Variants in PGPEP1 observed in about 807,000 individuals in gnomAD.
PGPEP1 encodes pyroglutamyl-peptidase I, also known as pyroglutamyl-peptidase 1.
A neutral mutation model predicts 24.1 loss-of-function variants in PGPEP1; 15 were observed. The ratio of observed to expected loss-of-function variants is 0.62; its 90% CI spans 0.42 to 0.96. PGPEP1 has a LOEUF of 0.96. Ranked by LOEUF, PGPEP1 falls within the 40% of genes least tolerant of loss-of-function variation. PGPEP1 has a pLI of 0.00. For synonymous variants in PGPEP1, 122 were observed against 116.4 expected (o/e 1.05, Z -0.31); for missense variants, 242 against 273.4 (o/e 0.89, Z 0.81).
chr19:18,348,454 C>T (rs766727387), intron 2 of PGPEP1, among the ~76,000 whole-genome samples: 4 of 151,870 alleles, frequency 2.6e-5, no homozygotes, highest in Admixed American at 6.6e-5. Flanking sequence ...GGCGTCTGCC[C>T]GAGCCCCGTC....
chr19:18,348,598 A>G lies in PGPEP1; in HGVS notation c.87+5687A>G, dbSNP rs572233767. Among the ~76,000 whole-genome samples the G allele has an allele frequency of 1.6e-4, 24 of 152,224 alleles. No individual in the cohort carries two copies. The South Asian group carries it at 4.8e-3, about 30-fold the overall frequency. On this transcript the variant is annotated intron_variant, in intron 2 of 4. Coordinates refer to ENST00000269919, the MANE Select transcript of PGPEP1 (RefSeq NM_017712.4). ...CCCTTTTGGAACAGAGCGTGTTCAG[A>G]GGCTAAGACTTCAGCCAGATTACCA...
At chr19:18,356,251 GGC>G (rs1971183343) in intron 3 of PGPEP1, among the ~76,000 whole-genome samples, 1 of 147,594 alleles carries the variant, frequency 6.8e-6, no homozygotes, top group South Asian at 2.2e-4. Flanking sequence ...TGGGCAACAT[GGC>G]AAAACCCTGT....
chr19:18,362,951 C>T (rs1264237545), intron 4 of PGPEP1, among the ~76,000 whole-genome samples: 7 of 152,126 alleles, frequency 4.6e-5, no homozygotes, highest in African/African-American at 1.4e-4. Flanking sequence ...GGACAACCAG[C>T]GTGCCTTCCC....
At chr19:18,347,270 C>CTTTTTTTTTTTTTTTTTTTTTTTTTT (rs59936417) in intron 2 of PGPEP1, among the ~76,000 whole-genome samples, 1 of 94,420 alleles carries the variant, frequency 1.1e-5, no homozygotes, top group Non-Finnish European at 1.9e-5. Context: ...TTCTTTCTTT[C>CTTTTTTTTTTTTTTTTTTTTTTTTTT]TTTTTTTTTT....
rs759895547 is a variant in PGPEP1 at position 18,363,466 on chromosome 19, A to G, written c.513A>G (p.Pro171=). ...HGRSAFVHVP[P]LGKPYNADQL... Reference sequence around the variant, plus strand: ...GATCAGCCTTCGTCCACGTGCCCCCACTGGGGAAGCCGTACAACGCGGACC... The same window carrying G: ...GATCAGCCTTCGTCCACGTGCCCCCGCTGGGGAAGCCGTACAACGCGGACC... The change falls in exon 5 of 5, where the codon CCA becomes CCG. Residue 171 remains proline (P), a synonymous_variant. Transcript: ENST00000269919. 4 of 1,614,038 alleles carry G rather than the reference A, an allele frequency of 2.5e-6. No homozygotes were observed. The South Asian group carries it at 4.4e-5, about 18-fold the overall frequency.
chr19:18,342,692 G>A lies in PGPEP1; in HGVS notation c.35-167G>A, dbSNP rs141057893. ...ACAGGTGCAGGACGGCGGCTCTGACGGGCCTCCAGGTGCTCCCAGAACTCA... is the reference window on the plus strand; with the variant it reads ...ACAGGTGCAGGACGGCGGCTCTGACAGGCCTCCAGGTGCTCCCAGAACTCA... On this transcript the variant is annotated intron_variant, in intron 1 of 4. Transcript: ENST00000269919. Among the ~76,000 whole-genome samples, 12 of 152,296 alleles carry A rather than the reference G, an allele frequency of 7.9e-5. No homozygotes were observed. In the East Asian group the frequency reaches 1.3e-3, roughly 17 times the overall value.
At chr19:18,361,152 T>A (rs938002217) in intron 4 of PGPEP1, among the ~76,000 whole-genome samples, 1 of 151,304 alleles carries the variant, frequency 6.6e-6, no homozygotes, top group African/African-American at 2.4e-5. Context: ...TCTTTTTTTT[T>A]AAAGACAAGA....
intron 2 of PGPEP1, among the ~76,000 whole-genome samples, chr19:18,349,732 G>A (rs1970967565): frequency 6.6e-6 from 1 of 152,204 alleles, no homozygotes; most frequent in Non-Finnish European, 1.5e-5. Context: ...AGGTGGCACA[G>A]TCTCGCCACG....
chr19:18,355,636 A>G (rs946190233), intron 2 of PGPEP1, among the ~76,000 whole-genome samples: 3 of 152,206 alleles, frequency 2.0e-5, no homozygotes, highest in African/African-American at 7.2e-5. Context: ...CCAAGGTCAC[A>G]CAGGCAGGAT....
In PGPEP1 at chr19:18,363,031, G is replaced by GTT. The variant is rs1215505287; in HGVS notation, c.438-358_438-357dup. ...CACTGGGAGTTATCAAGTTTTTTTT[G>GTT]TTTGTGTGTGTGTGTGTGTGTGTGT... On this transcript the variant is annotated intron_variant, in intron 4 of 4. Transcript: ENST00000269919. Among the ~76,000 whole-genome samples, 559 of 133,716 alleles carry GTT rather than the reference G, an allele frequency of 4.2e-3. 4 individuals carry two copies. Among genetic ancestry groups the GTT allele is most frequent in the African/African-American group, 0.015 (528 of 34,952 alleles). The allele number at this position is 133,716 out of a possible 152,430, so 87.7% of individuals were successfully genotyped here.
chr19:18,361,559 A>G (rs1280528120), intron 4 of PGPEP1: 1 of 184,620 alleles, frequency 5.4e-6, no homozygotes, highest in Non-Finnish European at 1.0e-5. Flanking sequence ...TGCTGGGACT[A>G]CAGGTGTGAG....
intron 4 of PGPEP1, among the ~76,000 whole-genome samples, chr19:18,358,676 C>T (rs944022870): frequency 3.3e-5 from 5 of 152,108 alleles, no homozygotes; most frequent in African/African-American, 7.2e-5. Context: ...AGTGCAATGG[C>T]GCCATCTCGG....
At chr19:18,347,240 C>T (rs1173128548) in intron 2 of PGPEP1, among the ~76,000 whole-genome samples, 1 of 148,914 alleles carries the variant, frequency 6.7e-6, no homozygotes. Flanking sequence ...CACCACCACA[C>T]CCAGCTAATT....
rs1971517573 is a variant in PGPEP1, at chr19:18,365,552, A to G, written c.*1969A>G. On this transcript the variant is annotated 3_prime_UTR_variant, in exon 5 of 5. Coordinates refer to ENST00000269919, the MANE Select transcript of PGPEP1 (RefSeq NM_017712.4). ...CAGACAGGGTTTCACCATGTTGCCC[A>G]GGCTGGTCTCGAACTCCTGGACTCA... is the stretch of plus-strand genomic sequence containing the variant. The G allele has an allele frequency of 6.6e-6, 1 of 152,274 alleles. No homozygotes were observed. The highest frequency in any genetic ancestry group is 1.5e-5 in the Non-Finnish European group (1 of 68,124). The allele number at this position is 152,274 out of a possible 1,614,324, so 9.4% of individuals were successfully genotyped here. A position where few individuals can be genotyped will look rare whatever the true frequency, so the allele number is the denominator to read the frequency against.
rs201547816 is a variant in PGPEP1 at position 18,355,857 on chromosome 19, A to G, written c.88-38A>G. 3.4e-5 allele frequency: 44 copies of G among 1,302,362 alleles called. 1 individual carries two copies. The East Asian group carries it at 8.3e-4, about 25-fold the overall frequency. The allele number at this position is 1,302,362 out of a possible 1,614,324, so 80.7% of individuals were successfully genotyped here. A position where few individuals can be genotyped will look rare whatever the true frequency, so the allele number is the denominator to read the frequency against. ...AGAGCGCATTATCCCCATAGCTGTC[A>G]TCTGGGGCCATGACACTCCCACTCT... On this transcript the variant is annotated intron_variant, in intron 2 of 4. Transcript: ENST00000269919.
chr19:18,343,161 G>A (rs1473170544), intron 2 of PGPEP1, among the ~76,000 whole-genome samples: 3 of 151,976 alleles, frequency 2.0e-5, no homozygotes, highest in Admixed American at 6.6e-5. Flanking sequence ...CACCACGCCC[G>A]GCTAATTTTT....
At chr19:18,360,523 A>AT (rs139605654) in intron 4 of PGPEP1, among the ~76,000 whole-genome samples, 12,534 of 151,020 alleles carry the variant, frequency 0.083, 1,705 homozygotes, top group African/African-American at 0.28. Context: ...TTTTATTTTT[A>AT]TTTTTTTTGA....
intron 1 of PGPEP1, among the ~76,000 whole-genome samples, chr19:18,341,893 C>G (rs1970679059): frequency 6.6e-6 from 1 of 151,582 alleles, no homozygotes; most frequent in Admixed American, 6.6e-5. Flanking sequence ...TGTGGGATCA[C>G]TGGCCCAGAT....
intron 2 of PGPEP1, among the ~76,000 whole-genome samples, chr19:18,354,454 C>T (rs1380664233): frequency 1.3e-5 from 2 of 151,940 alleles, no homozygotes; most frequent in South Asian, 2.1e-4. Flanking sequence ...GAGGTGGCGC[C>T]GCTGCATTCC....
Sources: allele counts gnomAD v4.1 joint callset (sites outside exome capture counted in the v4.1 genomes callset), GRCh38; gene constraint gnomAD v4.1.1; transcripts MANE v1.5; gene names NCBI Gene and HGNC (gene_info 2026-07-23, HGNC 2026-07-21).